Variants in PHGDH observed in about 807,000 individuals in gnomAD.
PHGDH encodes the protein phosphoglycerate dehydrogenase.
In PHGDH, 50 loss-of-function variants were observed where a neutral mutation model predicts 52.6. The observed-to-expected ratio is 0.95, with a 90% CI of 0.76 to 1.20. The LOEUF (loss-of-function observed/expected upper bound fraction) is 1.20, where lower values mean the gene tolerates loss of function less well. PHGDH is among the 50% of genes most tolerant of loss of function. The pLI is 0.00. For missense variants in PHGDH, 630 were observed against 684.6 expected, an observed-to-expected ratio of 0.92 and a Z score of 0.89; for synonymous variants, 271 against 280.5, an observed-to-expected ratio of 0.97 and a Z score of 0.34.
Position 119,712,018 on chromosome 1 carries a change from C to T in PHGDH, c.-5C>T. 1 of 1,614,046 alleles carries T rather than the reference C, an allele frequency of 6.2e-7. No homozygotes were observed. Among genetic ancestry groups the T allele is most frequent in the Non-Finnish European group, 8.5e-7 (1 of 1,180,022 alleles). The stretch of plus-strand genomic sequence containing the variant: ...CAGCGGCCGATTCCGAGGCCAACTC[C>T]AGCAATGGCTTTTGCAAATCTGCGG... On this transcript the variant is annotated 5_prime_UTR_variant, in exon 1 of 12. Coordinates refer to ENST00000641023, the MANE Select transcript of PHGDH (RefSeq NM_006623.4).
In PHGDH at chr1:119,740,506, G is replaced by T; in HGVS notation, c.1066G>T (p.Val356Leu). Residue 356 changes from valine to leucine, a missense_variant, in exon 9 of 12, where the codon GTG (valine) becomes TTG (leucine). Physicochemically the swap from Val to Leu is conservative, Grantham distance 32. Coordinates refer to ENST00000641023, the MANE Select transcript of PHGDH (RefSeq NM_006623.4). ...WAGSPKGTIQ[V>L]ITQGTSLKNA... ...TGGGTCCCCCAAAGGGACCATCCAG[G>T]TGATAACACAGGGTGAGCTGGGGAC... The T allele has an allele frequency of 6.3e-7, 1 of 1,580,146 alleles. No individual in the cohort carries two copies. Among genetic ancestry groups the T allele is most frequent in the Non-Finnish European group, 8.6e-7 (1 of 1,162,338 alleles).
rs2101172055 is a variant in PHGDH, at chr1:119,727,018, G to A, written c.426G>A (p.Glu142=). The change falls in exon 5 of 12, where the codon GAG becomes GAA. Residue 142 remains glutamate (E), a synonymous_variant. Coordinates refer to ENST00000641023, the MANE Select transcript of PHGDH (RefSeq NM_006623.4). ...KWERKKFMGT[E]LNGKTLGILG... ...TTTGGTTGCAGTTCATGGGAACAGAGCTGAATGGAAAGACCCTGGGAATTC... is the reference window on the plus strand; with the variant it reads ...TTTGGTTGCAGTTCATGGGAACAGAACTGAATGGAAAGACCCTGGGAATTC... 6.2e-7 allele frequency: 1 copy of A among 1,613,634 alleles called. No individual in the cohort carries two copies. Among genetic ancestry groups the A allele is most frequent in the Non-Finnish European group, 8.5e-7 (1 of 1,179,464 alleles).
At chr1:119,712,972 G>T (rs1255010326) in intron 1 of PHGDH, 1 of 152,350 alleles carries the variant, frequency 6.6e-6, no homozygotes, top group African/African-American at 2.4e-5. Context: ...GCTCCCAGAT[G>T]ATTTATAGTC....
chr1:119,739,912 T>TTA (rs1403661843), intron 8 of PHGDH: 1 of 167,922 alleles, frequency 6.0e-6, no homozygotes, highest in Non-Finnish European at 1.3e-5. Flanking sequence ...TTTGTGATAA[T>TTA]TGATCGTAGT....
intron 1 of PHGDH, among the ~76,000 whole-genome samples, chr1:119,713,714 G>A (rs1388354574): frequency 1.3e-5 from 2 of 152,146 alleles, no homozygotes; most frequent in East Asian, 3.9e-4. Flanking sequence ...TGGCTCTGGG[G>A]AACAACCAGG....
chr1:119,712,903 C>G (rs1650763536), intron 1 of PHGDH, among the ~76,000 whole-genome samples: 1 of 152,268 alleles, frequency 6.6e-6, no homozygotes, highest in South Asian at 2.1e-4. Context: ...GCCTCCTCCC[C>G]ACCTTTGGTT....
intron 5 of PHGDH, among the ~76,000 whole-genome samples, chr1:119,732,930 A>G (rs1651764176): frequency 6.6e-6 from 1 of 151,656 alleles, no homozygotes; most frequent in South Asian, 2.1e-4. Context: ...TCCATATGAG[A>G]AAAAAAAATA....
intron 1 of PHGDH, among the ~76,000 whole-genome samples, chr1:119,716,138 G>C (rs1650924520): frequency 6.6e-6 from 1 of 152,116 alleles, no homozygotes; most frequent in East Asian, 1.9e-4. Flanking sequence ...AGTTGAGGTT[G>C]TAAGAGGCCT....
chr1:119,717,761 C>A (rs773039575), intron 1 of PHGDH, among the ~76,000 whole-genome samples: 1 of 151,972 alleles, frequency 6.6e-6, no homozygotes, highest in Non-Finnish European at 1.5e-5. Flanking sequence ...TTTTCAACTT[C>A]TTTTAATAAG....
chr1:119,727,876 T>C (rs969273783), intron 5 of PHGDH, among the ~76,000 whole-genome samples: 3 of 152,086 alleles, frequency 2.0e-5, no homozygotes, highest in African/African-American at 4.8e-5. Context: ...GCAGTGTTGA[T>C]TATTGCTGGA....
chr1:119,724,210 A>C (rs1651296047), intron 3 of PHGDH: 1 of 159,724 alleles, frequency 6.3e-6, no homozygotes, highest in Non-Finnish European at 1.4e-5. Context: ...GGGGAAGAAC[A>C]AGGCTCCCAA....
At chr1:119,742,065 G>A in intron 10 of PHGDH, 168 bp downstream of exon 10, 1 of 659,386 alleles carries the variant, frequency 1.5e-6, no homozygotes, top group Non-Finnish European at 2.7e-6. Context: ...TGAAGATACT[G>A]CCTGGCCCCG....
chr1:119,738,813 G>A (rs587762827), intron 8 of PHGDH, among the ~76,000 whole-genome samples: 13 of 152,204 alleles, frequency 8.5e-5, no homozygotes, highest in African/African-American at 2.9e-4. Flanking sequence ...AGAGAGATGG[G>A]GAGGAGGGGG....
chr1:119,712,453 C>CGGATGCCAGCGCG (rs1008042836), intron 1 of PHGDH: 25 of 394,734 alleles, frequency 6.3e-5, no homozygotes, highest in East Asian at 2.3e-4. Context: ...AGGCTGCTCG[C>CGGATGCCAGCGCG]GGATGCCAGC....
chr1:119,731,162 T>C (rs1252347510), intron 5 of PHGDH, among the ~76,000 whole-genome samples: 1 of 152,134 alleles, frequency 6.6e-6, no homozygotes, highest in African/African-American at 2.4e-5. Context: ...AAAGGTAACC[T>C]GACATTTGGC....
rs587722600 is a variant in PHGDH, at chr1:119,721,064, G to A, written c.139-106G>A. Reference sequence around the variant, plus strand: ...CTGGCAGTCATCAGTGACTTCCTAAGGTTCCGGAAATGCATCTCTTACTCA... The same window carrying A: ...CTGGCAGTCATCAGTGACTTCCTAAAGTTCCGGAAATGCATCTCTTACTCA... On this transcript the variant is annotated intron_variant, in intron 1 of 11. Coordinates refer to ENST00000641023, the MANE Select transcript of PHGDH (RefSeq NM_006623.4). 1.5e-5 allele frequency: 16 copies of A among 1,052,906 alleles called. No homozygotes were observed. In the South Asian group the frequency reaches 2.0e-4, roughly 13 times the overall value. 65.2% of individuals were successfully genotyped at this position (1,052,906 alleles called of 1,614,324 possible). A position where few individuals can be genotyped will look rare whatever the true frequency, so the allele number is the denominator to read the frequency against.
intron 5 of PHGDH, among the ~76,000 whole-genome samples, chr1:119,732,440 A>G (rs512854): frequency 0.19 from 29,284 of 152,028 alleles, 2,993 homozygotes; most frequent in South Asian, 0.22. Context: ...AGGTGCTCCA[A>G]TGTCTGTATA....
intron 2 of PHGDH, among the ~76,000 whole-genome samples, chr1:119,722,303 C>T (rs779916344): frequency 2.6e-4 from 40 of 152,260 alleles, no homozygotes; most frequent in Non-Finnish European, 2.9e-4. Context: ...TACAGGATCT[C>T]TTGACTTTTT....
At position 119,735,319 on chromosome 1, in the gene PHGDH, C is replaced by A; in HGVS notation, c.668C>A (p.Ala223Asp). The change falls in exon 7 of 12, where the codon GCC becomes GAC. Residue 223 changes from alanine to aspartate, a missense_variant. Coordinates refer to ENST00000641023, the MANE Select transcript of PHGDH (RefSeq NM_006623.4). ...TTGLLNDNTF[A>D]QCKKGVRVVN... ...GGCTTGCTGAATGACAACACCTTTG[C>A]CCAGTGCAAGAAGGGGGTGCGTGTG... 6.2e-7 allele frequency: 1 copy of A among 1,614,186 alleles called. No individual in the cohort carries two copies. The highest frequency in any genetic ancestry group is 8.5e-7 in the Non-Finnish European group (1 of 1,180,042).
Sources: gnomAD v4.1 joint callset for allele counts (sites outside exome capture counted in the v4.1 genomes callset) on GRCh38, gnomAD v4.1.1 for gene constraint, MANE v1.5 for transcripts, NCBI Gene and HGNC (gene_info 2026-07-23, HGNC 2026-07-21) for gene names.